The following MAST2 variants were observed in gnomAD, a reference collection of about 807,000 sequenced individuals.
MAST2 encodes microtubule associated serine/threonine kinase 2.
A neutral mutation model predicts 147.4 loss-of-function variants in MAST2; 70 were observed. The observed-to-expected ratio is 0.47, with a 90% CI of 0.39 to 0.58. The LOEUF (loss-of-function observed/expected upper bound fraction) is 0.58, where lower values mean the gene tolerates loss of function less well. Among genes scored for constraint, MAST2 ranks in the 20% least tolerant of loss-of-function variants. The probability of loss-of-function intolerance (pLI) is 0.00; values close to 1 mark genes in which losing one functional copy is unlikely to be tolerated. For missense variants in MAST2, 2,080 were observed against 2,302.3 expected, an observed-to-expected ratio of 0.90 and a Z score of 1.98; for synonymous variants, 869 against 896.8, an observed-to-expected ratio of 0.97 and a Z score of 0.55.
At chr1:45,840,369 A>T (rs1645236067) in intron 3 of MAST2, among the ~76,000 whole-genome samples, 1 of 152,140 alleles carries the variant, frequency 6.6e-6, no homozygotes. Flanking sequence ...TTTCATTTCT[A>T]CTCAAGAAAA....
At chr1:45,830,569 T>G (rs1482996708) in intron 3 of MAST2, among the ~76,000 whole-genome samples, 2 of 152,180 alleles carry the variant, frequency 1.3e-5, no homozygotes, top group East Asian at 3.8e-4. Flanking sequence ...AGGTTGTAAC[T>G]TCAATGAGTA....
chr1:46,025,775 C>CACA lies in MAST2; in HGVS notation c.1882_1884dup (p.Asn628dup). The CACA allele has an allele frequency of 6.2e-7, 1 of 1,614,230 alleles. No homozygotes were observed. The highest frequency in any genetic ancestry group is 8.5e-7 in the Non-Finnish European group (1 of 1,180,038). On this transcript the variant is annotated inframe_insertion, in exon 16 of 29. Coordinates refer to ENST00000361297, the MANE Select transcript of MAST2 (RefSeq NM_015112.3). Reference sequence around the variant, plus strand: ...AACTGTGCTGGCCCTGGAGTACTTACACAACTATGGCATCGTGCACCGTGA... The same window carrying CACA: ...AACTGTGCTGGCCCTGGAGTACTTACACAACAACTATGGCATCGTGCACCGTGA...
intron 8 of MAST2, 65 bp from the exon 9 acceptor site, chr1:46,008,231 T>C (rs1645568289): frequency 8.9e-7 from 1 of 1,118,268 alleles, no homozygotes; most frequent in Non-Finnish European, 1.4e-6. Flanking sequence ...TCTCTGGGGA[T>C]GGCCATCTTT....
chr1:45,920,430 G>A (rs1008929763), intron 4 of MAST2, among the ~76,000 whole-genome samples: 1 of 152,040 alleles, frequency 6.6e-6, no homozygotes, highest in Non-Finnish European at 1.5e-5. Context: ...GCAGTCTTAG[G>A]GCTTATTTTG....
chr1:45,909,921 T>G (rs1203769610), intron 4 of MAST2, among the ~76,000 whole-genome samples: 1 of 152,164 alleles, frequency 6.6e-6, no homozygotes, highest in East Asian at 1.9e-4. Flanking sequence ...CAAGTGATTC[T>G]CCTGCCTCAG....
intron 3 of MAST2, among the ~76,000 whole-genome samples, chr1:45,875,873 T>G (rs1445238455): frequency 6.6e-6 from 1 of 151,922 alleles, no homozygotes; most frequent in Non-Finnish European, 1.5e-5. Context: ...CAAAAAGATC[T>G]GGGATAGAGA....
intron 4 of MAST2, among the ~76,000 whole-genome samples, chr1:45,896,695 CTG>C (rs1046893582): frequency 1.3e-5 from 2 of 152,308 alleles, no homozygotes; most frequent in East Asian, 1.9e-4. Flanking sequence ...TAACAAAAGA[CTG>C]TAACTAGGGC....
chr1:45,988,867 C>T (rs1644752153), intron 5 of MAST2, among the ~76,000 whole-genome samples: 3 of 152,076 alleles, frequency 2.0e-5, no homozygotes, highest in Admixed American at 2.0e-4. Context: ...TTATCCCTTC[C>T]TTACTATCTG....
At chr1:45,852,769 A>G (rs1441965731) in intron 3 of MAST2, among the ~76,000 whole-genome samples, 1 of 151,978 alleles carries the variant, frequency 6.6e-6, no homozygotes, top group African/African-American at 2.4e-5. Flanking sequence ...AAATTGTTGC[A>G]TGTATCCACT....
chr1:45,816,221 A>AGAAAG (rs1553202491), intron 1 of MAST2, among the ~76,000 whole-genome samples: 1 of 134,738 alleles, frequency 7.4e-6, no homozygotes, highest in Non-Finnish European at 1.6e-5. Flanking sequence ...GAGAGAGAGA[A>AGAAAG]AGAGAGAGAG....
Position 46,033,876 on chromosome 1 carries a change from C to T in MAST2, c.3612C>T (p.Gly1204=). The T allele has an allele frequency of 6.2e-7, 1 of 1,614,182 alleles. No individual in the cohort carries two copies. Among genetic ancestry groups the T allele is most frequent in the Non-Finnish European group, 8.5e-7 (1 of 1,180,028 alleles). The change falls in exon 27 of 29, where the codon GGC becomes GGT. Residue 1204 remains glycine, a synonymous_variant. Coordinates refer to ENST00000361297, the MANE Select transcript of MAST2 (RefSeq NM_015112.3). ...TSIKVGPARK[G]SYKAKMARRS... ...TTAAAGTGGGGCCAGCTCGGAAGGGCAGCTACAAGGCCAAGATGGCCCGAA... is the reference window on the plus strand; with the variant it reads ...TTAAAGTGGGGCCAGCTCGGAAGGGTAGCTACAAGGCCAAGATGGCCCGAA...
rs1646652500 is a variant in MAST2, at chr1:46,031,251, G to A, written c.2953G>A (p.Asp985Asn). Reference sequence around the variant, plus strand: ...CTCAGGGGAGCAGCGGCCAAAGCTGGATGAGGAAGCTGTTGGCCGGAGCAG... The same window carrying A: ...CTCAGGGGAGCAGCGGCCAAAGCTGAATGAGGAAGCTGTTGGCCGGAGCAG... The part of the protein sequence containing the change: ...EHSGEQRPKL[D>N]EEAVGRSSGS... The change falls in exon 23 of 29, where the codon GAT becomes AAT. Residue 985 changes from aspartate (D) to asparagine (N), a missense_variant. Asp to Asn is a conservative substitution (Grantham distance 23, BLOSUM62 1). Around this residue, in one of 4 missense-constraint regions of MAST2, gnomAD observed 1,278 missense variants for 1,304.2 expected, o/e 0.98. Coordinates refer to ENST00000361297, the MANE Select transcript of MAST2 (RefSeq NM_015112.3). The surrounding 1 kb of genome is among the most constrained non-coding windows in gnomAD (Gnocchi z 4.1). The A allele has an allele frequency of 6.5e-7, 1 of 1,536,914 alleles. No individual in the cohort carries two copies. The highest frequency in any genetic ancestry group is 1.3e-5 in the South Asian group (1 of 79,314).
At chr1:45,908,658 A>G (rs992833989) in intron 4 of MAST2, among the ~76,000 whole-genome samples, 2 of 152,136 alleles carry the variant, frequency 1.3e-5, no homozygotes, top group Non-Finnish European at 2.9e-5. Context: ...TGGAATTTCA[A>G]TATTTTGAAA....
intron 5 of MAST2, among the ~76,000 whole-genome samples, chr1:45,959,892 G>C (rs1660162099): frequency 6.6e-6 from 1 of 152,112 alleles, no homozygotes; most frequent in South Asian, 2.1e-4. Flanking sequence ...TAACCTTCCT[G>C]CTCTTAGATT....
chr1:45,972,540 C>T (rs1238620168), intron 5 of MAST2, among the ~76,000 whole-genome samples: 1 of 152,234 alleles, frequency 6.6e-6, no homozygotes, highest in Admixed American at 6.5e-5. Flanking sequence ...ACATCCCTTA[C>T]AGCCAGTAAT....
In MAST2 at chr1:46,025,700, A is replaced by G; in HGVS notation, c.1804A>G (p.Lys602Glu). ...VEGGDCATLL[K>E]NIGALPVDMV... is the part of the protein sequence containing the mutation. ...AGGGGGAGACTGTGCCACTCTGCTG[A>G]AGAATATTGGGGCCCTGCCTGTGGA... The change falls in exon 16 of 29, where the codon AAG becomes GAG. Residue 602 changes from lysine (K) to glutamate (E), a missense_variant. Lys to Glu is a moderately conservative substitution (Grantham distance 56, BLOSUM62 1). Around this residue, in one of 4 missense-constraint regions of MAST2, gnomAD observed 209 missense variants for 309.5 expected, o/e 0.68. Coordinates refer to ENST00000361297, the MANE Select transcript of MAST2 (RefSeq NM_015112.3). The G allele has an allele frequency of 6.2e-7, 1 of 1,614,150 alleles. No homozygotes were observed.
intron 1 of MAST2, among the ~76,000 whole-genome samples, chr1:45,823,358 C>T (rs1469424324): frequency 2.2e-5 from 3 of 139,174 alleles, no homozygotes; most frequent in Non-Finnish European, 4.6e-5. Context: ...TTTTTTGAGA[C>T]GGAGTCTCGC....
intron 4 of MAST2, among the ~76,000 whole-genome samples, chr1:45,923,859 C>A (rs972464841): frequency 6.6e-6 from 1 of 152,046 alleles, no homozygotes; most frequent in African/African-American, 2.4e-5. Context: ...ACCTTTATTA[C>A]CTTCTTGTAA....
intron 4 of MAST2, among the ~76,000 whole-genome samples, chr1:45,897,936 G>A (rs1252678389): frequency 1.3e-5 from 2 of 151,702 alleles, no homozygotes; most frequent in East Asian, 1.9e-4. Flanking sequence ...GTGAAACTCC[G>A]TCTCTACTAA....
Sources: gnomAD v4.1 joint callset for allele counts (sites outside exome capture counted in the v4.1 genomes callset) on GRCh38, gnomAD v4.1.1 for gene constraint, gnomAD v4.1.1 regional missense constraint, Gnocchi (gnomAD v3.1) non-coding constraint, MANE v1.5 for transcripts, NCBI Gene and HGNC (gene_info 2026-07-23, HGNC 2026-07-21) for gene names.